KCNA2: variants seen among roughly 807,000 people sequenced by gnomAD.
The protein encoded by KCNA2 is potassium voltage-gated channel subfamily A member 2.
KCNA2 carries 11 observed loss-of-function variants against 33.4 expected under a neutral mutation model. The ratio of observed to expected loss-of-function variants is 0.33; its 90% CI spans 0.21 to 0.55. KCNA2 has a LOEUF of 0.55. KCNA2 is among the 20% of genes least tolerant of loss of function. The pLI is 0.93. For missense variants in KCNA2, 291 were observed against 621.6 expected (o/e 0.47, Z 5.66); for synonymous variants, 222 against 231.3 (o/e 0.96, Z 0.37).
chr1:110,597,365 C>T lies in KCNA2; in HGVS notation c.*5918G>A. 1.0e-6 allele frequency: 1 copy of T among 985,370 alleles called. No homozygotes were observed. Among genetic ancestry groups the T allele is most frequent in the East Asian group, 1.1e-4 (1 of 8,814 alleles). The allele number at this position is 985,370 out of a possible 1,614,324, so 61.0% of individuals were successfully genotyped here. On this transcript the variant is annotated 3_prime_UTR_variant, in exon 3 of 3. Coordinates refer to ENST00000316361, the MANE Select transcript of KCNA2 (RefSeq NM_004974.4). ...GCTTTCGTGTAGGCTTCCATTACAT[C>T]TGCCAGACTGAGGGAAAGTCAACAA...
chr1:110,623,283 T>C (rs1284465920), intron 1 of KCNA2, among the ~76,000 whole-genome samples: 2 of 152,190 alleles, frequency 1.3e-5, no homozygotes, highest in African/African-American at 4.8e-5. Context: ...ATAGACCTTT[T>C]CCTAATGTCA....
intron 1 of KCNA2, among the ~76,000 whole-genome samples, chr1:110,627,017 T>C (rs1650409496): frequency 6.6e-6 from 1 of 152,232 alleles, no homozygotes; most frequent in East Asian, 1.9e-4. Context: ...AGTGCTTTAT[T>C]GCATCTCATT....
At chr1:110,619,021 T>G (rs1650161675) in intron 1 of KCNA2, among the ~76,000 whole-genome samples, 1 of 152,178 alleles carries the variant, frequency 6.6e-6, no homozygotes, top group Admixed American at 6.5e-5. Flanking sequence ...CAGTAGTTGT[T>G]CACTACTCTC....
Position 110,602,979 on chromosome 1 carries a change from G to C in KCNA2, c.*304C>G. The C allele has an allele frequency of 8.7e-7, 1 of 1,143,198 alleles. No individual in the cohort carries two copies. The highest frequency in any genetic ancestry group is 1.1e-6 in the Non-Finnish European group (1 of 931,518). The allele number at this position is 1,143,198 out of a possible 1,614,324, so 70.8% of individuals were successfully genotyped here. ...GTGCATTTCATTAGGAAGGAATGAT[G>C]GCACTGATATGGTGCACTGTGTATG... On this transcript the variant is annotated 3_prime_UTR_variant, in exon 3 of 3. Coordinates refer to ENST00000316361, the MANE Select transcript of KCNA2 (RefSeq NM_004974.4).
intron 1 of KCNA2, among the ~76,000 whole-genome samples, chr1:110,619,192 A>T (rs1650166889): frequency 6.6e-6 from 1 of 152,122 alleles, no homozygotes; most frequent in African/African-American, 2.4e-5. Flanking sequence ...ACTCCCTGGG[A>T]GACTGTACCC....
chr1:110,630,209 C>A (rs1261943319), intron 1 of KCNA2, among the ~76,000 whole-genome samples: 2 of 151,878 alleles, frequency 1.3e-5, no homozygotes, highest in Non-Finnish European at 2.9e-5. Context: ...TTAGTAGAGA[C>A]AGGGTTTCTC....
At chr1:110,609,547 C>A (rs1649800890), upstream of KCNA2, among the ~76,000 whole-genome samples, 1 of 152,118 alleles carries the variant, frequency 6.6e-6, no homozygotes, top group Non-Finnish European at 1.5e-5. Flanking sequence ...GCCCTTAGCC[C>A]CCACACCACA....
Position 110,604,003 on chromosome 1 carries a change from A to G in KCNA2, c.780T>C (p.Ile260=). 6.2e-7 allele frequency: 1 copy of G among 1,614,200 alleles called. No homozygotes were observed. The highest frequency in any genetic ancestry group is 1.3e-5 in the African/African-American group (1 of 75,056). The change falls in exon 3 of 3, where the codon ATT becomes ATC. Residue 260 remains isoleucine, a synonymous_variant. Coordinates refer to ENST00000316361, the MANE Select transcript of KCNA2 (RefSeq NM_004974.4). This position sits in a 1 kb window ranked among gnomAD's most constrained non-coding sequence, Gnocchi z 7.6. ...TGATGAAGTAGGGGATGATGGCCAC[A>G]ATGTCAATGATGTTCATGATGTTGG... ...FFTNIMNIID[I]VAIIPYFITL... is the part of the protein sequence containing the mutation.
At chr1:110,615,110 G>A (rs1188637246) in intron 1 of KCNA2, among the ~76,000 whole-genome samples, 1 of 152,196 alleles carries the variant, frequency 6.6e-6, no homozygotes, top group Non-Finnish European at 1.5e-5. Flanking sequence ...TGAAATTGCA[G>A]TGAGGAGTTT....
chr1:110,628,585 G>C (rs915290173), intron 1 of KCNA2, among the ~76,000 whole-genome samples: 1 of 152,178 alleles, frequency 6.6e-6, no homozygotes, highest in African/African-American at 2.4e-5. Context: ...CTGCCTGATG[G>C]GGGCCTTGTC....
chr1:110,621,456 A>C (rs1015966206), intron 1 of KCNA2, among the ~76,000 whole-genome samples: 2 of 152,234 alleles, frequency 1.3e-5, no homozygotes, highest in Non-Finnish European at 2.9e-5. Flanking sequence ...TAGAAAAAGG[A>C]GAGCAAGTGA....
chr1:110,629,525 C>A (rs1650490686), intron 1 of KCNA2, among the ~76,000 whole-genome samples: 1 of 152,196 alleles, frequency 6.6e-6, no homozygotes, highest in Non-Finnish European at 1.5e-5. Context: ...AGAAGCAGCT[C>A]AGTGAGGCAC....
chr1:110,611,032 G>A (rs1570759627), upstream of KCNA2, among the ~76,000 whole-genome samples: 1 of 110,874 alleles, frequency 9.0e-6, no homozygotes, highest in South Asian at 3.2e-4. Context: ...AAGGAAGGAA[G>A]GAAGGAAGGA....
Position 110,602,236 on chromosome 1 carries a change from T to C in KCNA2, c.*1047A>G. ...AGTTTTAGTTCCATTCCAAATAGTC[T>C]ATTTTTTTTCCCCTGATGGAGGGAT... is the stretch of plus-strand genomic sequence containing the variant. On this transcript the variant is annotated 3_prime_UTR_variant, in exon 3 of 3. Coordinates refer to ENST00000316361, the MANE Select transcript of KCNA2 (RefSeq NM_004974.4). The C allele has an allele frequency of 2.0e-6, 3 of 1,536,140 alleles. No individual in the cohort carries two copies. The highest frequency in any genetic ancestry group is 1.8e-6 in the Non-Finnish European group (2 of 1,141,208).
At position 110,598,911 on chromosome 1, in the gene KCNA2, T is replaced by C; in HGVS notation, c.*4372A>G. The C allele has an allele frequency of 1.0e-6, 1 of 985,416 alleles. No homozygotes were observed. Among genetic ancestry groups the C allele is most frequent in the Non-Finnish European group, 1.2e-6 (1 of 829,928 alleles). The allele number at this position is 985,416 out of a possible 1,614,324, so 61.0% of individuals were successfully genotyped here. ...CTCTTCCTGACAATCTCTCCACCTT[T>C]CCTGGGCCTATTCCTTTTCGGTCTC... On this transcript the variant is annotated 3_prime_UTR_variant, in exon 3 of 3. Coordinates refer to ENST00000316361, the MANE Select transcript of KCNA2 (RefSeq NM_004974.4).
rs116249269 is a variant in KCNA2 at position 110,600,932 on chromosome 1, G to A, written c.*2351C>T. 16,685 of 985,472 alleles carry A rather than the reference G, an allele frequency of 0.017. 152 individuals are homozygous for A. The highest frequency in any genetic ancestry group is 0.019 in the Non-Finnish European group (15,658 of 830,006). 61.0% of individuals were successfully genotyped at this position (985,472 alleles called of 1,614,324 possible). A position where few individuals can be genotyped will look rare whatever the true frequency, so the allele number is the denominator to read the frequency against. ...TGCTAACTAGGCAGCAGTGAGGCCT[G>A]GGCTGGAGCCACCCCTGCATAGCCC... On this transcript the variant is annotated 3_prime_UTR_variant, in exon 3 of 3. Transcript: ENST00000316361.
chr1:110,629,324 G>A (rs759708826), intron 1 of KCNA2, among the ~76,000 whole-genome samples: 29 of 152,078 alleles, frequency 1.9e-4, no homozygotes, highest in Non-Finnish European at 3.7e-4. Context: ...TGAAAGTTTG[G>A]GAACTACTGG....
At chr1:110,630,763 A>C (rs1438613452) in intron 1 of KCNA2, among the ~76,000 whole-genome samples, 1 of 152,150 alleles carries the variant, frequency 6.6e-6, no homozygotes, top group Non-Finnish European at 1.5e-5. Flanking sequence ...GTGCCAAGAA[A>C]TTGCATCTTT....
chr1:110,606,433 G>A (rs1486891244), upstream of KCNA2: 1 of 152,248 alleles, frequency 6.6e-6, no homozygotes, highest in Admixed American at 6.5e-5. Flanking sequence ...CCGGCTTCCG[G>A]ACTGGCCCCC....
Sources: allele counts gnomAD v4.1 joint callset (sites outside exome capture counted in the v4.1 genomes callset), GRCh38; gene constraint gnomAD v4.1.1; non-coding constraint Gnocchi (gnomAD v3.1); transcripts MANE v1.5; gene names NCBI Gene and HGNC (gene_info 2026-07-23, HGNC 2026-07-21).